The following ROBO1 variants were observed in gnomAD, a reference collection of about 807,000 sequenced individuals.
ROBO1 encodes the protein roundabout homolog 1.
ROBO1 carries 149 observed loss-of-function variants against 195.9 expected under a neutral mutation model. The observed-to-expected ratio is 0.76, with a 90% CI of 0.67 to 0.87. ROBO1 has a LOEUF of 0.87. ROBO1 is among the 40% of genes least tolerant of loss of function. ROBO1 has a pLI of 0.00. For synonymous variants in ROBO1, 816 were observed against 733.2 expected (o/e 1.11, Z -1.82); for missense variants, 1,933 against 2,068.3 (o/e 0.93, Z 1.27).
intron 2 of ROBO1, among the ~76,000 whole-genome samples, chr3:79,243,313 T>C (rs1334042341): frequency 6.6e-6 from 1 of 151,914 alleles, no homozygotes; most frequent in African/African-American, 2.4e-5. Context: ...TGTGTCTTTA[T>C]AGCAGCATGA....
At chr3:78,944,657 C>G (rs887415405) in intron 3 of ROBO1, among the ~76,000 whole-genome samples, 9 of 152,226 alleles carry the variant, frequency 5.9e-5, no homozygotes, top group African/African-American at 1.4e-4. Context: ...GAGTGCCAGA[C>G]AGTAGGTGCA....
chr3:78,832,872 G>T (rs2032355972), intron 4 of ROBO1, among the ~76,000 whole-genome samples: 1 of 152,020 alleles, frequency 6.6e-6, no homozygotes, highest in Non-Finnish European at 1.5e-5. Flanking sequence ...TAGAAGCACA[G>T]AGCAGAGAAA....
chr3:78,864,262 A>G lies in ROBO1; in HGVS notation c.499+74339T>C, dbSNP rs80092263. ...TTTGCCTTGAATGATGGTAGCTCTTAGCCAAAAGAAATAATTCTGGCATCC... is the reference window on the plus strand; with the variant it reads ...TTTGCCTTGAATGATGGTAGCTCTTGGCCAAAAGAAATAATTCTGGCATCC... On this transcript the variant is annotated intron_variant, in intron 4 of 30. Coordinates refer to ENST00000464233, the MANE Select transcript of ROBO1 (RefSeq NM_002941.4). Among the ~76,000 whole-genome samples the G allele has an allele frequency of 2.9e-3, 445 of 152,276 alleles. 3 individuals carry two copies. Among genetic ancestry groups the G allele is most frequent in the African/African-American group, 0.01 (419 of 41,542 alleles).
chr3:79,007,394 G>A (rs1004149915), intron 3 of ROBO1, among the ~76,000 whole-genome samples: 5 of 152,154 alleles, frequency 3.3e-5, no homozygotes, highest in Non-Finnish European at 7.3e-5. Context: ...AGGGTACCAC[G>A]GAGAGGGCAG....
At chr3:78,807,590 A>G (rs1044621478) in intron 4 of ROBO1, among the ~76,000 whole-genome samples, 2 of 152,238 alleles carry the variant, frequency 1.3e-5, no homozygotes, top group Non-Finnish European at 1.5e-5. Flanking sequence ...AAGTAATACA[A>G]ACACTAAAAC....
chr3:79,550,195 G>GAAAGAAAGAAAGAAAGAAAGGAAA lies in ROBO1; in HGVS notation c.88+39628_88+39629insTTTCCTTTCTTTCTTTCTTTCTTT. Among the ~76,000 whole-genome samples, 29 of 100,834 alleles carry GAAAGAAAGAAAGAAAGAAAGGAAA rather than the reference G, an allele frequency of 2.9e-4. 1 individual carries two copies. The highest frequency in any genetic ancestry group is 1.3e-3 in the African/African-American group (28 of 21,438). The allele number at this position is 100,834 out of a possible 152,430, so 66.2% of individuals were successfully genotyped here. On this transcript the variant is annotated intron_variant, in intron 2 of 30. Transcript: ENST00000464233. Reference sequence around the variant, plus strand: ...AGAAAGAAAGAAAGAAAGAAAGAAAGGAAAAGAAAAGAAAAGAAAAGAAAA... The same window carrying GAAAGAAAGAAAGAAAGAAAGGAAA: ...AGAAAGAAAGAAAGAAAGAAAGAAAGAAAGAAAGAAAGAAAGAAAGGAAAGAAAAGAAAAGAAAAGAAAAGAAAA...
At chr3:79,072,836 A>G (rs1163998144) in intron 3 of ROBO1, among the ~76,000 whole-genome samples, 1 of 151,972 alleles carries the variant, frequency 6.6e-6, no homozygotes, top group Middle Eastern at 3.2e-3. Flanking sequence ...GTTATTATAG[A>G]AACATATGAT....
At chr3:79,346,182 T>C (rs941235090) in intron 2 of ROBO1, among the ~76,000 whole-genome samples, 1 of 151,340 alleles carries the variant, frequency 6.6e-6, no homozygotes, top group Admixed American at 6.6e-5. Flanking sequence ...TATAGAGAAA[T>C]ACTGTAATTC....
intron 10 of ROBO1, among the ~76,000 whole-genome samples, chr3:78,680,079 G>C (rs2080856568): frequency 6.6e-6 from 1 of 152,094 alleles, no homozygotes. Context: ...CAAGCAATGG[G>C]GAAAGGATTC....
intron 3 of ROBO1, among the ~76,000 whole-genome samples, chr3:78,988,988 G>A (rs1357830066): frequency 6.6e-6 from 1 of 152,126 alleles, no homozygotes; most frequent in Non-Finnish European, 1.5e-5. Flanking sequence ...AAGTAGAAGA[G>A]ACAGGCTGGA....
At chr3:79,106,595 CA>C in intron 3 of ROBO1, among the ~76,000 whole-genome samples, 1 of 151,518 alleles carries the variant, frequency 6.6e-6, no homozygotes, top group East Asian at 1.9e-4. Flanking sequence ...ATTATTTTTG[CA>C]AACACCTAAA....
intron 3 of ROBO1, among the ~76,000 whole-genome samples, chr3:79,125,195 T>C (rs773087237): frequency 1.3e-5 from 2 of 152,188 alleles, no homozygotes; most frequent in Non-Finnish European, 2.9e-5. Flanking sequence ...GTATCAAAGT[T>C]TCAGATTGAT....
chr3:79,589,107 G>A (rs1943918040), intron 2 of ROBO1, among the ~76,000 whole-genome samples: 1 of 151,586 alleles, frequency 6.6e-6, no homozygotes, highest in Non-Finnish European at 1.5e-5. Flanking sequence ...CATATTAGTT[G>A]TATTCAAATT....
chr3:79,668,240 A>G (rs1946527750), intron 1 of ROBO1, among the ~76,000 whole-genome samples: 1 of 151,830 alleles, frequency 6.6e-6, no homozygotes, highest in South Asian at 2.1e-4. Context: ...TTAAAATTAA[A>G]AGCTGAAGTA....
intron 4 of ROBO1, among the ~76,000 whole-genome samples, chr3:78,926,851 A>C (rs1327280994): frequency 6.6e-6 from 1 of 152,228 alleles, no homozygotes; most frequent in Non-Finnish European, 1.5e-5. Context: ...TAAAGCCACT[A>C]TACATTCTCT....
chr3:79,146,271 T>C (rs2080647334), intron 2 of ROBO1, among the ~76,000 whole-genome samples: 1 of 151,892 alleles, frequency 6.6e-6, no homozygotes, highest in Admixed American at 6.6e-5. Flanking sequence ...TGAATGAATG[T>C]TTAGGGCATC....
chr3:78,714,819 A>G (rs2081860105), intron 7 of ROBO1: 1 of 253,952 alleles, frequency 3.9e-6, no homozygotes, highest in African/African-American at 2.2e-5. Context: ...AGTGACCATT[A>G]ATTAAATTCT....
intron 1 of ROBO1, among the ~76,000 whole-genome samples, chr3:79,646,327 G>A (rs9833508): frequency 0.58 from 88,096 of 151,874 alleles, 25,870 homozygotes; most frequent in South Asian, 0.67. Context: ...ATAACTAAAC[G>A]TCAGAGAAAT....
At chr3:79,356,382 T>G (rs2035556713) in intron 2 of ROBO1, among the ~76,000 whole-genome samples, 1 of 152,208 alleles carries the variant, frequency 6.6e-6, no homozygotes, top group Non-Finnish European at 1.5e-5. Flanking sequence ...TTAACAGAGA[T>G]GATACACTAT....
Sources: gnomAD v4.1 joint callset for allele counts (sites outside exome capture counted in the v4.1 genomes callset) on GRCh38, gnomAD v4.1.1 for gene constraint, MANE v1.5 for transcripts, NCBI Gene and HGNC (gene_info 2026-07-23, HGNC 2026-07-21) for gene names.